The following ERICH3 variants were observed in gnomAD, a reference collection of about 807,000 sequenced individuals.
ERICH3 encodes the protein glutamate rich 3.
Under a neutral mutation model 131.1 loss-of-function variants are expected in ERICH3, and 126 were observed. The observed-to-expected ratio is 0.96, with a 90% CI of 0.83 to 1.11. ERICH3 has a LOEUF of 1.11. Among genes scored for constraint, ERICH3 ranks in the 50% most tolerant of loss-of-function variants. The pLI is 0.00. For synonymous variants in ERICH3, 695 were observed against 644.6 expected (o/e 1.08, Z -1.18); for missense variants, 2,050 against 1,810.7 (o/e 1.13, Z -2.40).
chr1:74,572,292 T>A lies in ERICH3; in HGVS notation c.3418A>T (p.Asn1140Tyr), dbSNP rs778477713. Reference sequence around the variant, plus strand: ...GAATCTTCTCCTAGAAGCCCTGGATTGTCAGACAACTCAGAAGCCTCCACA... The same window carrying A: ...GAATCTTCTCCTAGAAGCCCTGGATAGTCAGACAACTCAGAAGCCTCCACA... ...APVEASELSD[N>Y]PGLLGEDSLK... The change falls in exon 14 of 15, where the codon AAT becomes TAT. Residue 1140 changes from asparagine to tyrosine, a missense_variant. Coordinates refer to ENST00000326665, the MANE Select transcript of ERICH3 (RefSeq NM_001002912.5). 4 of 1,613,928 alleles carry A rather than the reference T, an allele frequency of 2.5e-6. No homozygotes were observed. The African/African-American group carries it at 5.3e-5, about 22-fold the overall frequency.
chr1:74,573,405 G>C lies in ERICH3; in HGVS notation c.2305C>G (p.Leu769Val), dbSNP rs201280072. The change falls in exon 14 of 15, where the codon CTG becomes GTG. Residue 769 changes from leucine to valine, a missense_variant. Transcript: ENST00000326665. Reference protein sequence around the residue: ...SQQLVQKTYTLEKKEAMEEDE... With the variant: ...SQQLVQKTYTVEKKEAMEEDE... ...TCCTCCATTGCTTCTTTCTTCTCCAGTGTATACGTTTTTTGCACCAATTGC... is the reference window on the plus strand; with the variant it reads ...TCCTCCATTGCTTCTTTCTTCTCCACTGTATACGTTTTTTGCACCAATTGC... 45 of 1,595,126 alleles carry C rather than the reference G, an allele frequency of 2.8e-5. No individual in the cohort carries two copies. The East Asian group carries it at 8.6e-4, about 30-fold the overall frequency.
At chr1:74,672,850 G>T (rs1287187212) in intron 1 of ERICH3, among the ~76,000 whole-genome samples, 2 of 151,910 alleles carry the variant, frequency 1.3e-5, no homozygotes, top group African/African-American at 4.8e-5. Context: ...GCCAAAATAG[G>T]TTATCTAAGG....
chr1:74,581,919 G>A (rs1647188898), intron 12 of ERICH3, among the ~76,000 whole-genome samples: 1 of 152,170 alleles, frequency 6.6e-6, no homozygotes, highest in African/African-American at 2.4e-5. Context: ...GAAAGGAAAG[G>A]AAAGTGGGGC....
intron 11 of ERICH3, chr1:74,592,126 C>G (rs1467551757): frequency 6.6e-6 from 1 of 152,176 alleles, no homozygotes; most frequent in East Asian, 1.9e-4. Context: ...CAGTAAAAAA[C>G]AAACTCAAAA....
intron 4 of ERICH3, among the ~76,000 whole-genome samples, 168 bp downstream of exon 4, chr1:74,642,859 T>C (rs1646448289): frequency 6.6e-6 from 1 of 152,162 alleles, no homozygotes; most frequent in East Asian, 1.9e-4. Context: ...TGTCACAATC[T>C]TCTGTAATGA....
At chr1:74,629,247 C>A (rs1649511704) in intron 7 of ERICH3, among the ~76,000 whole-genome samples, 1 of 151,686 alleles carries the variant, frequency 6.6e-6, no homozygotes, top group Admixed American at 6.6e-5. Flanking sequence ...AAAAAAACCT[C>A]TCAGCAAGTA....
At chr1:74,660,121 G>A (rs1006964589) in intron 1 of ERICH3, among the ~76,000 whole-genome samples, 1 of 152,068 alleles carries the variant, frequency 6.6e-6, no homozygotes, top group Admixed American at 6.6e-5. Flanking sequence ...GAATTCTCAT[G>A]AGATCTGATG....
At chr1:74,601,662 C>A (rs944819478) in intron 10 of ERICH3, among the ~76,000 whole-genome samples, 4 of 151,762 alleles carry the variant, frequency 2.6e-5, no homozygotes, top group Admixed American at 2.6e-4. Context: ...ATACATATAT[C>A]ACACTACAGG....
chr1:74,621,793 A>G (rs1430733370), intron 7 of ERICH3: 1 of 152,228 alleles, frequency 6.6e-6, no homozygotes, highest in Non-Finnish European at 1.5e-5. Flanking sequence ...AAGAGGAGGA[A>G]GTAGAAGCAG....
At chr1:74,661,825 G>A (rs979219162) in intron 1 of ERICH3, among the ~76,000 whole-genome samples, 1 of 152,114 alleles carries the variant, frequency 6.6e-6, no homozygotes, top group Non-Finnish European at 1.5e-5. Context: ...TTTACATAAA[G>A]CATAACTGGA....
intron 12 of ERICH3, among the ~76,000 whole-genome samples, chr1:74,587,930 G>A (rs1647409504): frequency 6.6e-6 from 1 of 152,094 alleles, no homozygotes; most frequent in Non-Finnish European, 1.5e-5. Context: ...TTTTATTCTA[G>A]GGCAGAGGTT....
rs1214086454 is a variant in ERICH3, at chr1:74,568,385, A to G, written c.*2073T>C. 1 of 152,176 alleles carries G rather than the reference A, an allele frequency of 6.6e-6. No individual in the cohort carries two copies. Among genetic ancestry groups the G allele is most frequent in the Non-Finnish European group, 1.5e-5 (1 of 67,998 alleles). The allele number at this position is 152,176 out of a possible 1,614,324, so 9.4% of individuals were successfully genotyped here. ...CAAAACTAATTTTTCAATGGGATTA[A>G]TACATTTACTATCTTTCCTATAAGG... On this transcript the variant is annotated 3_prime_UTR_variant, in exon 15 of 15. Coordinates refer to ENST00000326665, the MANE Select transcript of ERICH3 (RefSeq NM_001002912.5).
At chr1:74,646,826 T>G in intron 2 of ERICH3, 34 bp from the exon 3 acceptor site, 1 of 1,286,956 alleles carries the variant, frequency 7.8e-7, no homozygotes, top group Non-Finnish European at 1.1e-6. Flanking sequence ...CATAGAAATA[T>G]AAAATAGAAA....
Position 74,673,677 on chromosome 1 carries a change from G to T in ERICH3, c.-158C>A, listed in dbSNP as rs1434680858. 10 of 610,764 alleles carry T rather than the reference G, an allele frequency of 1.6e-5. No individual in the cohort carries two copies. Among genetic ancestry groups the T allele is most frequent in the South Asian group, 4.3e-5 (1 of 23,122 alleles). The allele number at this position is 610,764 out of a possible 1,614,324, so 37.8% of individuals were successfully genotyped here. A position where few individuals can be genotyped will look rare whatever the true frequency, so the allele number is the denominator to read the frequency against. On this transcript the variant is annotated 5_prime_UTR_variant, in exon 1 of 15. Transcript: ENST00000326665. ...GGCTGGGCCGCCGCCGCCCCTGGGC[G>T]CCCGGGCTACCCGCAGCCTCCCGGG...
At chr1:74,595,013 A>G (rs770516838) in intron 11 of ERICH3, among the ~76,000 whole-genome samples, 3 of 152,124 alleles carry the variant, frequency 2.0e-5, no homozygotes, top group Non-Finnish European at 4.4e-5. Context: ...CAGTGGATCC[A>G]ATATGCTTTT....
intron 10 of ERICH3, among the ~76,000 whole-genome samples, chr1:74,603,195 A>G (rs544838003): frequency 6.6e-6 from 1 of 151,992 alleles, no homozygotes; most frequent in Non-Finnish European, 1.5e-5. Context: ...TGAGGGACAC[A>G]AAGCAGCTCT....
At chr1:74,627,792 G>A (rs1436334241) in intron 7 of ERICH3, among the ~76,000 whole-genome samples, 1 of 151,808 alleles carries the variant, frequency 6.6e-6, no homozygotes, top group Non-Finnish European at 1.5e-5. Flanking sequence ...AAGACAAACT[G>A]TATAGCCTAG....
chr1:74,672,981 G>A (rs867330250), intron 1 of ERICH3, among the ~76,000 whole-genome samples: 15 of 151,762 alleles, frequency 9.9e-5, no homozygotes, highest in Non-Finnish European at 7.4e-5. Context: ...GACCCTTATG[G>A]TCCTTTTGAG....
intron 1 of ERICH3, among the ~76,000 whole-genome samples, chr1:74,663,883 T>A (rs1182689125): frequency 6.6e-6 from 1 of 152,164 alleles, no homozygotes; most frequent in Non-Finnish European, 1.5e-5. Context: ...CAGCTGAATG[T>A]ATTCCTAAGG....
Sources: allele counts gnomAD v4.1 joint callset (sites outside exome capture counted in the v4.1 genomes callset), GRCh38; gene constraint gnomAD v4.1.1; transcripts MANE v1.5; gene names NCBI Gene and HGNC (gene_info 2026-07-23, HGNC 2026-07-21).